Variants in SH3RF3 observed in about 807,000 individuals in gnomAD.
The protein encoded by SH3RF3 is E3 ubiquitin-protein ligase SH3RF3.
A neutral mutation model predicts 66.3 loss-of-function variants in SH3RF3; 29 were observed. That is an observed-to-expected ratio of 0.44 (90% CI 0.33 to 0.60). The LOEUF is 0.60. Among genes scored for constraint, SH3RF3 ranks in the 20% least tolerant of loss-of-function variants. The pLI, the probability that SH3RF3 is intolerant of heterozygous loss-of-function variation, is 0.04. For missense variants in SH3RF3, 1,194 were observed against 1,190.9 expected, an observed-to-expected ratio of 1.00 and a Z score of -0.04; for synonymous variants, 583 against 532.0, an observed-to-expected ratio of 1.10 and a Z score of -1.32.
intron 1 of SH3RF3, among the ~76,000 whole-genome samples, chr2:109,191,635 C>A (rs1196572941): frequency 1.3e-5 from 2 of 152,148 alleles, no homozygotes; most frequent in African/African-American, 4.8e-5. Context: ...GCAGCAAGAG[C>A]AGTCCCAATA....
At chr2:109,285,910 G>C (rs952033137) in intron 1 of SH3RF3, among the ~76,000 whole-genome samples, 1 of 152,184 alleles carries the variant, frequency 6.6e-6, no homozygotes, top group African/African-American at 2.4e-5. Flanking sequence ...ACTGCATTCA[G>C]ATTTTTGTCC....
Position 109,243,624 on chromosome 2 carries a change from G to A in SH3RF3, c.574-104050G>A, listed in dbSNP as rs79614181. Reference sequence around the variant, plus strand: ...GCTGGGGAACATTTTTAAAGAGATGGTGTCTAAACTGAGAGCTGAAGATAT... The same window carrying A: ...GCTGGGGAACATTTTTAAAGAGATGATGTCTAAACTGAGAGCTGAAGATAT... On this transcript the variant is annotated intron_variant, in intron 1 of 9. Coordinates refer to ENST00000309415, the MANE Select transcript of SH3RF3 (RefSeq NM_001099289.3). Among the ~76,000 whole-genome samples, 3 of 152,142 alleles carry A rather than the reference G, an allele frequency of 2.0e-5. No homozygotes were observed. The South Asian group carries it at 6.2e-4, about 32-fold the overall frequency.
At chr2:109,319,193 A>G (rs1393381561) in intron 1 of SH3RF3, among the ~76,000 whole-genome samples, 1 of 152,216 alleles carries the variant, frequency 6.6e-6, no homozygotes, top group Non-Finnish European at 1.5e-5. Context: ...GTCGCCCTGT[A>G]TATGCCAGAT....
chr2:109,410,574 G>A (rs1676561334), intron 4 of SH3RF3, among the ~76,000 whole-genome samples: 1 of 152,252 alleles, frequency 6.6e-6, no homozygotes, highest in Non-Finnish European at 1.5e-5. Context: ...CTCACAGGCT[G>A]TGTTGTTGAG....
At chr2:109,238,295 A>G (rs978039766) in intron 1 of SH3RF3, among the ~76,000 whole-genome samples, 4 of 152,226 alleles carry the variant, frequency 2.6e-5, no homozygotes, top group Non-Finnish European at 5.9e-5. Flanking sequence ...GATGGCAAGT[A>G]CACTAATATC....
At chr2:109,311,534 G>A (rs1342760190) in intron 1 of SH3RF3, among the ~76,000 whole-genome samples, 1 of 151,944 alleles carries the variant, frequency 6.6e-6, no homozygotes, top group Non-Finnish European at 1.5e-5. Context: ...ATTCAATGAG[G>A]AAAAGAGGAA....
intron 1 of SH3RF3, among the ~76,000 whole-genome samples, chr2:109,295,985 T>C (rs1681297606): frequency 6.6e-6 from 1 of 152,074 alleles, no homozygotes; most frequent in Non-Finnish European, 1.5e-5. Context: ...TCACTATAGC[T>C]TGGTTGGAGA....
At chr2:109,463,927 T>C (rs1261009211) in intron 8 of SH3RF3, among the ~76,000 whole-genome samples, 1 of 152,078 alleles carries the variant, frequency 6.6e-6, no homozygotes. Context: ...TAGAGTCTTC[T>C]CTTAGAAAGA....
At position 109,307,518 on chromosome 2, in the gene SH3RF3, A is replaced by C. The variant is rs867375471; in HGVS notation, c.574-40156A>C. ...TACATGTGCCATGCTGGTGTGCTGC[A>C]CCCACTAACTCGTCATCTAGCATTA... On this transcript the variant is annotated intron_variant, in intron 1 of 9. Transcript: ENST00000309415. Among the ~76,000 whole-genome samples, 952 of 147,228 alleles carry C rather than the reference A, an allele frequency of 6.5e-3. 10 individuals are homozygous for C. Among genetic ancestry groups the C allele is most frequent in the African/African-American group, 0.023 (894 of 38,978 alleles).
chr2:109,344,990 G>T (rs572693078), intron 1 of SH3RF3, among the ~76,000 whole-genome samples: 6 of 152,176 alleles, frequency 3.9e-5, no homozygotes, highest in Admixed American at 6.5e-5. Flanking sequence ...CAGTGAAGGG[G>T]GGTGTCAGGG....
intron 1 of SH3RF3, among the ~76,000 whole-genome samples, chr2:109,130,965 C>T (rs1286266637): frequency 2.0e-5 from 3 of 151,920 alleles, no homozygotes; most frequent in Non-Finnish European, 4.4e-5. Flanking sequence ...AAAGAAAGGA[C>T]CCGGGTTTTG....
At chr2:109,443,326 A>G (rs1677620874) in intron 7 of SH3RF3, among the ~76,000 whole-genome samples, 1 of 152,202 alleles carries the variant, frequency 6.6e-6, no homozygotes, top group Admixed American at 6.5e-5. Flanking sequence ...AACTTTCTGC[A>G]TTGTACTGTG....
At chr2:109,376,590 A>G (rs1683390389) in intron 3 of SH3RF3, among the ~76,000 whole-genome samples, 1 of 152,250 alleles carries the variant, frequency 6.6e-6, no homozygotes, top group Non-Finnish European at 1.5e-5. Context: ...CTGCCTCCAC[A>G]TTGACAACAT....
intron 1 of SH3RF3, among the ~76,000 whole-genome samples, chr2:109,173,110 A>G (rs1168687764): frequency 1.3e-5 from 2 of 152,222 alleles, no homozygotes; most frequent in Admixed American, 6.5e-5. Context: ...TCAATAAATG[A>G]ACATCTTTTT....
At chr2:109,318,797 C>G (rs1027745845) in intron 1 of SH3RF3, among the ~76,000 whole-genome samples, 32 of 152,224 alleles carry the variant, frequency 2.1e-4, no homozygotes, top group Admixed American at 3.9e-4. Context: ...CTGACGAGCT[C>G]TGGCCTGAGG....
intron 1 of SH3RF3, among the ~76,000 whole-genome samples, chr2:109,316,033 C>T (rs1253615996): frequency 6.6e-6 from 1 of 152,132 alleles, no homozygotes; most frequent in Non-Finnish European, 1.5e-5. Flanking sequence ...ACCCAAATTG[C>T]AAAGATTCCC....
At chr2:109,237,179 ACT>A (rs368351248) in intron 1 of SH3RF3, among the ~76,000 whole-genome samples, 12 of 152,254 alleles carry the variant, frequency 7.9e-5, no homozygotes, top group African/African-American at 1.7e-4. Flanking sequence ...ATATATGAAC[ACT>A]CTGTTAAAAG....
chr2:109,434,181 C>T (rs758033115), intron 6 of SH3RF3, among the ~76,000 whole-genome samples: 3 of 152,230 alleles, frequency 2.0e-5, no homozygotes, highest in Admixed American at 6.5e-5. Flanking sequence ...GACCAGCTGG[C>T]ACCCTCCAGG....
intron 1 of SH3RF3, among the ~76,000 whole-genome samples, chr2:109,322,890 TG>T (rs1480739239): frequency 2.0e-5 from 3 of 152,208 alleles, no homozygotes; most frequent in Non-Finnish European, 2.9e-5. Context: ...AACCTTGTAA[TG>T]TTAAGATGAG....
Sources: gnomAD v4.1 joint callset for allele counts (sites outside exome capture counted in the v4.1 genomes callset) on GRCh38, gnomAD v4.1.1 for gene constraint, MANE v1.5 for transcripts, NCBI Gene and HGNC (gene_info 2026-07-23, HGNC 2026-07-21) for gene names.